Variants in EXOC6B observed in about 807,000 individuals in gnomAD.
EXOC6B encodes exocyst complex component 6B, also known as SEC15 homolog B.
EXOC6B carries 54 observed loss-of-function variants against 113.5 expected under a neutral mutation model. The ratio of observed to expected loss-of-function variants is 0.48; its 90% CI spans 0.38 to 0.60. The LOEUF is 0.60. Ranked by LOEUF, EXOC6B falls within the 20% of genes least tolerant of loss-of-function variation. The pLI is 0.00. For synonymous variants in EXOC6B, 357 were observed against 339.0 expected (o/e 1.05, Z -0.58); for missense variants, 797 against 977.5 (o/e 0.82, Z 2.46).
At chr2:72,667,158 C>T (rs753886899) in intron 6 of EXOC6B, among the ~76,000 whole-genome samples, 18 of 152,042 alleles carry the variant, frequency 1.2e-4, no homozygotes, top group African/African-American at 2.7e-4. Flanking sequence ...CCATCATGCC[C>T]GACCAAGCAG....
chr2:72,242,258 G>T (rs1437636298), intron 20 of EXOC6B, among the ~76,000 whole-genome samples: 1 of 152,096 alleles, frequency 6.6e-6, no homozygotes, highest in Non-Finnish European at 1.5e-5. Flanking sequence ...ATTCTTAATT[G>T]GTCTAACAGA....
chr2:72,274,879 A>AT (rs1684718705), intron 20 of EXOC6B, among the ~76,000 whole-genome samples: 3 of 152,078 alleles, frequency 2.0e-5, no homozygotes, highest in Admixed American at 2.0e-4. Flanking sequence ...AGGGACCCAA[A>AT]TTTTTTTGCT....
At chr2:72,791,885 GTT>G (rs904956634) in intron 1 of EXOC6B, among the ~76,000 whole-genome samples, 1 of 152,192 alleles carries the variant, frequency 6.6e-6, no homozygotes, top group Non-Finnish European at 1.5e-5. Flanking sequence ...AGCCCTGTAA[GTT>G]TTTGCCTGTA....
At chr2:72,623,666 CA>C (rs1358960412) in intron 6 of EXOC6B, among the ~76,000 whole-genome samples, 1 of 152,164 alleles carries the variant, frequency 6.6e-6, no homozygotes, top group Non-Finnish European at 1.5e-5. Flanking sequence ...AGTGCCCTGT[CA>C]ATGACCCAGC....
At chr2:72,791,873 C>T (rs1451829435) in intron 1 of EXOC6B, among the ~76,000 whole-genome samples, 1 of 152,200 alleles carries the variant, frequency 6.6e-6, no homozygotes, top group Non-Finnish European at 1.5e-5. Flanking sequence ...AATTCAGCAG[C>T]CAGCCCTGTA....
At chr2:72,598,612 C>T (rs539922008) in intron 6 of EXOC6B, among the ~76,000 whole-genome samples, 17 of 152,068 alleles carry the variant, frequency 1.1e-4, no homozygotes, top group Non-Finnish European at 1.5e-4. Flanking sequence ...AAAGCTGGTT[C>T]TTTGAAAAGA....
chr2:72,650,041 A>C (rs1674044187), intron 6 of EXOC6B, among the ~76,000 whole-genome samples: 1 of 152,206 alleles, frequency 6.6e-6, no homozygotes, highest in Non-Finnish European at 1.5e-5. Flanking sequence ...GGGGCACGAC[A>C]TGAGCAGCTG....
chr2:72,387,480 T>C (rs1692106751), intron 18 of EXOC6B, among the ~76,000 whole-genome samples: 1 of 152,172 alleles, frequency 6.6e-6, no homozygotes, highest in Admixed American at 6.6e-5. Flanking sequence ...GGGAGGGTTT[T>C]TAAAATATAA....
intron 21 of EXOC6B, among the ~76,000 whole-genome samples, chr2:72,183,762 A>AT (rs149454842): frequency 0.078 from 11,704 of 150,060 alleles, 620 homozygotes; most frequent in African/African-American, 0.15. Context: ...AAACCGAGCC[A>AT]TTTTTTTTTC....
At chr2:72,480,805 T>C in intron 16 of EXOC6B, 55 bp from the exon 17 acceptor site, 3 of 1,522,416 alleles carry the variant, frequency 2.0e-6, no homozygotes, top group Non-Finnish European at 2.7e-6. Flanking sequence ...CCAGGATGAA[T>C]GGCTCAATAT....
intron 1 of EXOC6B, among the ~76,000 whole-genome samples, chr2:72,799,069 T>C (rs974698769): frequency 3.3e-5 from 5 of 150,610 alleles, no homozygotes; most frequent in African/African-American, 1.2e-4. Flanking sequence ...GGAAACCTCG[T>C]CTCTACAAAA....
At chr2:72,737,528 T>C (rs1353637143) in intron 2 of EXOC6B, among the ~76,000 whole-genome samples, 2 of 152,138 alleles carry the variant, frequency 1.3e-5, no homozygotes, top group Non-Finnish European at 2.9e-5. Flanking sequence ...GCATAGCATA[T>C]AGTCATTTTA....
intron 6 of EXOC6B, among the ~76,000 whole-genome samples, chr2:72,628,251 G>C (rs1344258357): frequency 1.3e-5 from 2 of 151,618 alleles, no homozygotes; most frequent in Admixed American, 1.3e-4. Flanking sequence ...AGCCTCCCAA[G>C]TAGCTAGGAC....
chr2:72,538,991 A>C (rs566107422), intron 8 of EXOC6B, among the ~76,000 whole-genome samples: 123 of 152,334 alleles, frequency 8.1e-4, no homozygotes, highest in Middle Eastern at 6.8e-3. Flanking sequence ...CAGAGGAGCC[A>C]GTGAAATACA....
intron 6 of EXOC6B, among the ~76,000 whole-genome samples, chr2:72,615,343 T>C (rs1671318909): frequency 6.6e-6 from 1 of 152,142 alleles, no homozygotes; most frequent in Non-Finnish European, 1.5e-5. Context: ...TCTAGGACTA[T>C]GCCATCTTCA....
rs368929093 is a variant in EXOC6B, at chr2:72,614,250, C to T, written c.670-38582G>A. 2.1e-4 allele frequency among the ~76,000 whole-genome samples: 32 copies of T among 152,214 alleles called. 2 individuals carry two copies. The highest frequency in any genetic ancestry group is 4.6e-4 in the African/African-American group (19 of 41,538). ...AGGCACTAACAACAAAAGGACTAGA[C>T]ATTTAATAAAAAATGAAGTAGAGAA... On this transcript the variant is annotated intron_variant, in intron 6 of 21. Coordinates refer to ENST00000272427, the MANE Select transcript of EXOC6B (RefSeq NM_015189.3).
At chr2:72,765,743 A>G (rs1683021287) in intron 1 of EXOC6B, among the ~76,000 whole-genome samples, 1 of 152,172 alleles carries the variant, frequency 6.6e-6, no homozygotes, top group Admixed American at 6.5e-5. Context: ...AGAACACTGG[A>G]GAAGAGGGGA....
At chr2:72,551,100 T>G (rs976637538) in intron 8 of EXOC6B, among the ~76,000 whole-genome samples, 19 of 152,112 alleles carry the variant, frequency 1.2e-4, no homozygotes, top group Non-Finnish European at 2.6e-4. Flanking sequence ...ATTTCATGTA[T>G]GAGAAAGGTA....
chr2:72,491,274 C>T lies in EXOC6B; in HGVS notation c.1665+1044G>A, dbSNP rs2105538695. Among the ~76,000 whole-genome samples the T allele has an allele frequency of 1.3e-5, 2 of 152,140 alleles. 1 individual carries two copies. Among genetic ancestry groups the T allele is most frequent in the Middle Eastern group, 6.8e-3 (2 of 292 alleles). The stretch of plus-strand genomic sequence containing the variant: ...GCTATAAGTAGAACTCAATCACTTC[C>T]AATGTCCCATCTTATTTTTTTTTTA... On this transcript the variant is annotated intron_variant, in intron 16 of 21. Transcript: ENST00000272427.
Sources: gnomAD v4.1 joint callset for allele counts (sites outside exome capture counted in the v4.1 genomes callset) on GRCh38, gnomAD v4.1.1 for gene constraint, MANE v1.5 for transcripts, NCBI Gene and HGNC (gene_info 2026-07-23, HGNC 2026-07-21) for gene names.